MAGEA12: variants seen among roughly 807,000 people sequenced by gnomAD.
MAGEA12 encodes melanoma-associated antigen 12.
For synonymous variants in MAGEA12, 135 were observed against 104.7 expected, an observed-to-expected ratio of 1.29 and a Z score of -1.77; for missense variants, 235 against 240.1, an observed-to-expected ratio of 0.98 and a Z score of 0.14.
Position 152,736,253 on chromosome X carries a change from C to T in MAGEA12, c.92C>T (p.Pro31Leu). 1 of 1,211,795 alleles carries T rather than the reference C, an allele frequency of 8.3e-7. No homozygotes were observed. Among genetic ancestry groups the T allele is most frequent in the South Asian group, 1.8e-5 (1 of 56,982 alleles). The change falls in exon 3 of 3, where the codon CCT (proline) becomes CTT (leucine). Residue 31 changes from proline (P) to leucine (L), a missense_variant. Pro to Leu is a moderately conservative substitution (Grantham distance 98). Coordinates refer to ENST00000393869, the MANE Select transcript of MAGEA12 (RefSeq NM_001166387.4). ...EALGLVGAQA[P>L]ATEEQETASS... ...CTGGGCTTGGTGGGTGCGCAGGCTC[C>T]TGCTACTGAGGAGCAGGAGACTGCC...
At chrX:152,733,963 A>G (rs1215431985) in intron 1 of MAGEA12, 104 bp downstream of exon 1, 1 of 110,132 alleles carries the variant, frequency 9.1e-6, no homozygotes, top group Admixed American at 9.5e-5. Flanking sequence ...CTGCAGGGGA[A>G]GACTTCTCAG....
In MAGEA12 at chrX:152,736,848, G is replaced by A. The variant is rs781824951; in HGVS notation, c.687G>A (p.Glu229=). ...EKIWEELSVL[E]ASDGREDSVF... ...TCTGGGAGGAGCTGAGTGTGTTGGA[G>A]GCATCTGATGGGAGGGAGGACAGTG... Residue 229 remains glutamate, a synonymous_variant, in exon 3 of 3, where the codon GAG becomes GAA. Coordinates refer to ENST00000393869, the MANE Select transcript of MAGEA12 (RefSeq NM_001166387.4). 3 of 1,212,020 alleles carry A rather than the reference G, an allele frequency of 2.5e-6. No homozygotes were observed. The highest frequency in any genetic ancestry group is 3.5e-5 in the South Asian group (2 of 57,002).
chrX:152,737,293 G>A lies in MAGEA12; in HGVS notation c.*187G>A. 1.8e-6 allele frequency: 1 copy of A among 551,239 alleles called. No homozygotes were observed. Among genetic ancestry groups the A allele is most frequent in the East Asian group, 3.5e-5 (1 of 28,676 alleles). The allele number at this position is 551,239 out of a possible 1,213,427, so 45.4% of individuals were successfully genotyped here. On this transcript the variant is annotated 3_prime_UTR_variant, in exon 3 of 3. Transcript: ENST00000393869. ...TTGGATGACTTTGAGATTTATCTTT[G>A]TTTCCTGTTGGAATTGTTCAAATGT...
At chrX:152,735,530 G>A (rs782178005) in intron 2 of MAGEA12, among the ~76,000 whole-genome samples, 2 of 112,314 alleles carry the variant, frequency 1.8e-5, no homozygotes, top group Admixed American at 1.9e-4. Flanking sequence ...GGACTCCAAT[G>A]AATTTGGACA....
intron 2 of MAGEA12, 60 bp from the exon 3 acceptor site, chrX:152,736,027 T>C (rs1458086548): frequency 1.5e-6 from 1 of 663,278 alleles, no homozygotes; most frequent in Non-Finnish European, 2.3e-6. Context: ...TGTCATTCCT[T>C]CAGCCTCAGC....
At chrX:152,736,010 T>C in intron 2 of MAGEA12, 77 bp from the exon 3 acceptor site, 1 of 589,683 alleles carries the variant, frequency 1.7e-6, no homozygotes, top group East Asian at 3.5e-5. Context: ...GGCCTCACCC[T>C]CCCTACTGTC....
intron 2 of MAGEA12, 53 bp from the exon 3 acceptor site, chrX:152,736,034 C>A: frequency 1.4e-6 from 1 of 698,897 alleles, no homozygotes; most frequent in South Asian, 2.7e-5. Flanking sequence ...CCTTCAGCCT[C>A]AGCATGTGCT....
intron 2 of MAGEA12, 23 bp from the exon 3 acceptor site, chrX:152,736,064 C>T (rs1446667869): frequency 1.5e-5 from 14 of 926,848 alleles, no homozygotes; most frequent in African/African-American, 1.2e-4. Flanking sequence ...TACCCTGAGG[C>T]GCCCTCTCAC....
rs1569406042 is a variant in MAGEA12 at position 152,736,629 on chromosome X, G to A, written c.468G>A (p.Glu156=). ...FFPVIFSKAS[E]YLQLVFGIEV... ...CTGTGATCTTCAGCAAAGCCTCCGA[G>A]TACTTGCAGCTGGTCTTTGGCATCG... is the stretch of plus-strand genomic sequence containing the variant. Residue 156 remains glutamate, a synonymous_variant, in exon 3 of 3, where the codon GAG becomes GAA. Transcript: ENST00000393869. 9 of 1,211,945 alleles carry A rather than the reference G, an allele frequency of 7.4e-6. No individual in the cohort carries two copies. The East Asian group carries it at 2.1e-4, about 28-fold the overall frequency.
Position 152,736,734 on chromosome X carries a change from C to G in MAGEA12, c.573C>G (p.Gly191=), listed in dbSNP as rs148706261. 1 of 1,210,219 alleles carries G rather than the reference C, an allele frequency of 8.3e-7. No individual in the cohort carries two copies. Among genetic ancestry groups the G allele is most frequent in the African/African-American group, 1.7e-5 (1 of 57,217 alleles). ...GCCTCTCCTACGATGGCCTGCTGGG[C>G]GACAATCAGATCGTGCCCAAGACAG... ...CLGLSYDGLL[G]DNQIVPKTGL... is the part of the protein sequence containing the mutation. Residue 191 remains glycine (G), a synonymous_variant, in exon 3 of 3, where the codon GGC becomes GGG. Transcript: ENST00000393869.
chrX:152,736,205 G>A lies in MAGEA12; in HGVS notation c.44G>A (p.Gly15Asp), dbSNP rs781957723. 8.3e-7 allele frequency: 1 copy of A among 1,211,757 alleles called. No homozygotes were observed. The highest frequency in any genetic ancestry group is 1.8e-5 in the South Asian group (1 of 56,951). Residue 15 changes from glycine to aspartate, a missense_variant, in exon 3 of 3, where the codon GGC (glycine) becomes GAC (aspartate). Transcript: ENST00000393869. ...AGTCAGCACTGCAAGCCTGAGGAAG[G>A]CCTTGAGGCCCAAGGAGAGGCCCTG... ...QRSQHCKPEE[G>D]LEAQGEALGL...
Position 152,736,401 on chromosome X carries a change from G to C in MAGEA12, c.240G>C (p.Trp80Cys). ...TLPTTINYTL[W>C]SQSDEGSSNE... ...CCACTACCATCAACTATACTCTCTG[G>C]AGTCAATCCGATGAGGGCTCCAGCA... Residue 80 changes from tryptophan (W) to cysteine (C), a missense_variant, in exon 3 of 3, where the codon TGG becomes TGC. Trp to Cys is a radical substitution (Grantham distance 215). Coordinates refer to ENST00000393869, the MANE Select transcript of MAGEA12 (RefSeq NM_001166387.4). 2.5e-6 allele frequency: 3 copies of C among 1,211,267 alleles called. No individual in the cohort carries two copies. The highest frequency in any genetic ancestry group is 3.4e-6 in the Non-Finnish European group (3 of 895,354).
Position 152,737,094 on chromosome X carries a change from G to C in MAGEA12, c.933G>C (p.Glu311Asp). The C allele has an allele frequency of 8.3e-7, 1 of 1,211,055 alleles. No individual in the cohort carries two copies. The highest frequency in any genetic ancestry group is 1.7e-5 in the African/African-American group (1 of 57,806). Residue 311 changes from glutamate to aspartate, a missense_variant, in exon 3 of 3, where the codon GAG (glutamate) becomes GAC (aspartate). Physicochemically the swap from Glu to Asp is conservative, Grantham distance 45. Transcript: ENST00000393869. ...CCCTGCATGAATGGGCTTTTAGAGA[G>C]GGGGAAGAGTGAGTCTGAGCACGAG... ...YPPLHEWAFR[E>D]GEE
intron 1 of MAGEA12, 121 bp from the exon 2 acceptor site, chrX:152,735,027 G>A (rs1932276693): frequency 8.9e-6 from 1 of 112,209 alleles, no homozygotes; most frequent in Non-Finnish European, 1.9e-5. Flanking sequence ...TCCCTGGCAG[G>A]AGTAAAGATG....
intron 2 of MAGEA12, 124 bp from the exon 3 acceptor site, chrX:152,735,963 G>T (rs367614469): frequency 2.2e-6 from 1 of 457,762 alleles, no homozygotes; most frequent in Non-Finnish European, 3.8e-6. Flanking sequence ...ACCAAGGGCC[G>T]CACCGGCCCC....
Position 152,736,840 on chromosome X carries a change from G to A in MAGEA12, c.679G>A (p.Val227Met), listed in dbSNP as rs782486352. 205 of 1,210,216 alleles carry A rather than the reference G, an allele frequency of 1.7e-4. No individual in the cohort carries two copies. Among genetic ancestry groups the A allele is most frequent in the Non-Finnish European group, 2.1e-4 (189 of 895,288 alleles). The change falls in exon 3 of 3, where the codon GTG becomes ATG. Residue 227 changes from valine to methionine, a missense_variant. Coordinates refer to ENST00000393869, the MANE Select transcript of MAGEA12 (RefSeq NM_001166387.4). ...GGAGAAAATCTGGGAGGAGCTGAGTGTGTTGGAGGCATCTGATGGGAGGGA... is the reference window on the plus strand; with the variant it reads ...GGAGAAAATCTGGGAGGAGCTGAGTATGTTGGAGGCATCTGATGGGAGGGA... The part of the protein sequence containing the change: ...PEEKIWEELS[V>M]LEASDGREDS...
At position 152,737,559 on chromosome X, in the gene MAGEA12, A is replaced by T. The variant is rs1186017842; in HGVS notation, c.*453A>T. On this transcript the variant is annotated 3_prime_UTR_variant, in exon 3 of 3. Transcript: ENST00000393869. Reference sequence around the variant, plus strand: ...GACCTCAAGAAGTTAAAAGATACTTAATTCTTGCCTTATACCTCACTCTAT... The same window carrying T: ...GACCTCAAGAAGTTAAAAGATACTTTATTCTTGCCTTATACCTCACTCTAT... The T allele has an allele frequency of 1.8e-5, 4 of 216,635 alleles. No individual in the cohort carries two copies. Among genetic ancestry groups the T allele is most frequent in the Non-Finnish European group, 3.6e-5 (4 of 112,394 alleles). 17.9% of individuals were successfully genotyped at this position (216,635 alleles called of 1,213,427 possible). A position where few individuals can be genotyped will look rare whatever the true frequency, so the allele number is the denominator to read the frequency against.
chrX:152,734,042 C>G (rs1320390669), intron 1 of MAGEA12, 183 bp downstream of exon 1: 2 of 110,843 alleles, frequency 1.8e-5, no homozygotes, highest in East Asian at 5.8e-4. Context: ...GGTGTAAGAG[C>G]TTTGTGTGAC....
At position 152,736,856 on chromosome X, in the gene MAGEA12, A is replaced by C. The variant is rs1556225693; in HGVS notation, c.695A>C (p.Asp232Ala). The C allele has an allele frequency of 8.3e-7, 1 of 1,211,858 alleles. No individual in the cohort carries two copies. The highest frequency in any genetic ancestry group is 2.2e-5 in the Admixed American group (1 of 46,033). Residue 232 changes from aspartate (D) to alanine (A), a missense_variant, in exon 3 of 3, where the codon GAT becomes GCT. Transcript: ENST00000393869. ...WEELSVLEAS[D>A]GREDSVFAHP... ...GAGCTGAGTGTGTTGGAGGCATCTG[A>C]TGGGAGGGAGGACAGTGTCTTTGCG...
Sources: allele counts gnomAD v4.1 joint callset (sites outside exome capture counted in the v4.1 genomes callset), GRCh38; gene constraint gnomAD v4.1.1; transcripts MANE v1.5; gene names NCBI Gene and HGNC (gene_info 2026-07-23, HGNC 2026-07-21).